The following ANKFN1 variants were observed in gnomAD, a reference collection of about 807,000 sequenced individuals.
The protein encoded by ANKFN1 is ankyrin repeat and fibronectin type-III domain-containing protein 1.
ANKFN1 carries 74 observed loss-of-function variants against 108.7 expected under a neutral mutation model. The observed-to-expected ratio is 0.68, with a 90% CI of 0.56 to 0.83. The LOEUF is 0.83. ANKFN1 is among the 40% of genes least tolerant of loss of function. The pLI is 0.00. For synonymous variants in ANKFN1, 547 were observed against 516.2 expected (o/e 1.06, Z -0.81); for missense variants, 1,505 against 1,382.3 (o/e 1.09, Z -1.41).
chr17:56,293,630 G>A (rs2044427204), intron 3 of ANKFN1, among the ~76,000 whole-genome samples: 1 of 152,284 alleles, frequency 6.6e-6, no homozygotes, highest in South Asian at 2.1e-4. Flanking sequence ...GATGTGGTTG[G>A]AGGTCAGGTG....
chr17:56,246,268 T>C (rs1008537776), intron 3 of ANKFN1, among the ~76,000 whole-genome samples: 1 of 152,162 alleles, frequency 6.6e-6, no homozygotes, highest in Non-Finnish European at 1.5e-5. Context: ...TATGATCAAG[T>C]GTAGTATCAT....
intron 1 of ANKFN1, among the ~76,000 whole-genome samples, chr17:56,176,642 C>T (rs1911185812): frequency 6.6e-6 from 1 of 152,126 alleles, no homozygotes; most frequent in African/African-American, 2.4e-5. Flanking sequence ...GAGAATTTGG[C>T]CCAAGGTACT....
intron 3 of ANKFN1, among the ~76,000 whole-genome samples, chr17:56,267,690 G>A (rs746332700): frequency 6.6e-6 from 1 of 152,186 alleles, no homozygotes; most frequent in African/African-American, 2.4e-5. Context: ...CTTTGTGAAA[G>A]ACCAGATGGT....
intron 1 of ANKFN1, among the ~76,000 whole-genome samples, chr17:56,186,979 A>G (rs191987435): frequency 6.6e-6 from 1 of 152,308 alleles, no homozygotes; most frequent in East Asian, 1.9e-4. Flanking sequence ...AACCATAAAA[A>G]CCCTAGAAGA....
chr17:56,418,275 A>G (rs1398910360), intron 8 of ANKFN1, among the ~76,000 whole-genome samples: 1 of 152,154 alleles, frequency 6.6e-6, no homozygotes, highest in Non-Finnish European at 1.5e-5. Flanking sequence ...TGTTGATTTG[A>G]TGTTCTTTGA....
intron 4 of ANKFN1, among the ~76,000 whole-genome samples, chr17:56,332,817 T>A (rs1232400852): frequency 3.3e-5 from 5 of 152,104 alleles, no homozygotes; most frequent in Admixed American, 2.6e-4. Flanking sequence ...TCCTTTCCAT[T>A]TCTGTAAAAA....
chr17:56,118,584 T>C (rs1227585227), intron 4 of ANKFN1, among the ~76,000 whole-genome samples: 1 of 152,170 alleles, frequency 6.6e-6, no homozygotes, highest in Non-Finnish European at 1.5e-5. Flanking sequence ...CTTATGATAT[T>C]ACAGTCACTG....
At chr17:56,448,849 G>T (rs1244006892) in intron 10 of ANKFN1, among the ~76,000 whole-genome samples, 1 of 152,116 alleles carries the variant, frequency 6.6e-6, no homozygotes, top group African/African-American at 2.4e-5. Context: ...ATTTTCTCTT[G>T]CCCTAAGACT....
chr17:56,099,131 C>T lies in ANKFN1; in HGVS notation c.288+52806C>T, dbSNP rs959982884. Among the ~76,000 whole-genome samples, 6 of 152,234 alleles carry T rather than the reference C, an allele frequency of 3.9e-5. No individual in the cohort carries two copies. In the East Asian group the frequency reaches 1.2e-3, roughly 29 times the overall value. ...TTTTTCTGTGCACCAATTTTCTACC[C>T]CAGGAGGCTTTATGAGCAATGGATT... On this transcript the variant is annotated intron_variant, in intron 4 of 12. Transcript: ENST00000635860.
At chr17:56,488,581 C>A (rs2050930229) in intron 18 of ANKFN1, among the ~76,000 whole-genome samples, 1 of 152,292 alleles carries the variant, frequency 6.6e-6, no homozygotes, top group South Asian at 2.1e-4. Context: ...TAGTGTCAAC[C>A]TTCATCCCTA....
chr17:56,411,656 GCTTT>G (rs1261743650), intron 8 of ANKFN1, among the ~76,000 whole-genome samples: 4 of 152,100 alleles, frequency 2.6e-5, no homozygotes, highest in African/African-American at 9.7e-5. Flanking sequence ...TATTGAGGCA[GCTTT>G]CTTCTATACT....
intron 1 of ANKFN1, among the ~76,000 whole-genome samples, chr17:56,176,518 C>T (rs998234166): frequency 2.0e-5 from 3 of 152,140 alleles, no homozygotes; most frequent in Non-Finnish European, 4.4e-5. Flanking sequence ...TAAGAGAACT[C>T]CATTTATAGC....
intron 4 of ANKFN1, among the ~76,000 whole-genome samples, chr17:56,058,303 T>C (rs1193155989): frequency 2.6e-5 from 4 of 152,230 alleles, no homozygotes; most frequent in Admixed American, 6.5e-5. Context: ...GGAAAATCTG[T>C]TGTTTTTAGT....
chr17:56,436,837 CAA>C (rs965424286), intron 8 of ANKFN1, among the ~76,000 whole-genome samples: 33 of 79,072 alleles, frequency 4.2e-4, no homozygotes, highest in Admixed American at 7.4e-4. Context: ...AACTCCATCT[CAA>C]AAAAAAAAAA....
At chr17:56,478,804 A>G (rs2050600280) in intron 16 of ANKFN1, among the ~76,000 whole-genome samples, 2 of 152,192 alleles carry the variant, frequency 1.3e-5, no homozygotes, top group Non-Finnish European at 2.9e-5. Context: ...AGTATAAACT[A>G]GATTCTAGTT....
chr17:56,486,714 A>G lies in ANKFN1; in HGVS notation c.2260+4190A>G, dbSNP rs557499503. 1.4e-4 allele frequency among the ~76,000 whole-genome samples: 21 copies of G among 152,348 alleles called. No homozygotes were observed. In the South Asian group the frequency reaches 3.9e-3, roughly 29 times the overall value. ...GAGATACACTAAGCATTTCTGAGAA[A>G]GGAGAGAATGTTTTTGGAAATTCAG... On this transcript the variant is annotated intron_variant, in intron 18 of 20. Transcript: ENST00000682825.
intron 4 of ANKFN1, among the ~76,000 whole-genome samples, chr17:56,343,942 T>C (rs2046029334): frequency 6.6e-6 from 1 of 152,044 alleles, no homozygotes; most frequent in South Asian, 2.1e-4. Flanking sequence ...CTCTTTATTA[T>C]ATTTTCTATT....
intron 1 of ANKFN1, among the ~76,000 whole-genome samples, chr17:56,208,509 A>G (rs1914714683): frequency 6.6e-6 from 1 of 152,174 alleles, no homozygotes; most frequent in African/African-American, 2.4e-5. Flanking sequence ...AAAATCTCCT[A>G]GGGGTAAAGC....
chr17:56,283,537 A>G (rs2044139916), intron 3 of ANKFN1, among the ~76,000 whole-genome samples: 1 of 150,224 alleles, frequency 6.7e-6, no homozygotes, highest in African/African-American at 2.5e-5. Flanking sequence ...ATATATATAT[A>G]TGATGGAATA....
Sources: allele counts gnomAD v4.1 joint callset (sites outside exome capture counted in the v4.1 genomes callset), GRCh38; gene constraint gnomAD v4.1.1; transcripts MANE v1.5; gene names NCBI Gene and HGNC (gene_info 2026-07-23, HGNC 2026-07-21).